The following PLPPR5 variants were observed in gnomAD, a reference collection of about 807,000 sequenced individuals.
The protein encoded by PLPPR5 is phospholipid phosphatase-related protein type 5.
Under a neutral mutation model 33.9 loss-of-function variants are expected in PLPPR5, and 16 were observed. The observed-to-expected ratio is 0.47, with a 90% CI of 0.32 to 0.72. PLPPR5 has a LOEUF of 0.72. PLPPR5 is among the 30% of genes least tolerant of loss of function. The probability of loss-of-function intolerance (pLI) is 0.03; values close to 1 mark genes in which losing one functional copy is unlikely to be tolerated. For missense variants in PLPPR5, 301 were observed against 406.7 expected (o/e 0.74, Z 2.23); for synonymous variants, 163 against 150.3 (o/e 1.08, Z -0.62).
At chr1:98,964,824 A>G (rs537168759) in intron 1 of PLPPR5, among the ~76,000 whole-genome samples, 1 of 152,234 alleles carries the variant, frequency 6.6e-6, no homozygotes, top group African/African-American at 2.4e-5. Flanking sequence ...TTATTTTGGA[A>G]GCAGGATCTT....
chr1:98,904,952 C>G (rs375667356), intron 5 of PLPPR5, among the ~76,000 whole-genome samples: 2 of 152,186 alleles, frequency 1.3e-5, no homozygotes, highest in Non-Finnish European at 2.9e-5. Context: ...CAGCACCTAA[C>G]AGCAGACTTT....
intron 1 of PLPPR5, among the ~76,000 whole-genome samples, chr1:98,968,628 A>G (rs2101242983): frequency 6.6e-6 from 1 of 152,210 alleles, no homozygotes; most frequent in South Asian, 2.1e-4. Flanking sequence ...TTGTTCATCA[A>G]CATTTATAAA....
At chr1:98,928,848 G>A (rs1649861824) in intron 3 of PLPPR5, among the ~76,000 whole-genome samples, 1 of 151,456 alleles carries the variant, frequency 6.6e-6, no homozygotes, top group South Asian at 2.1e-4. Flanking sequence ...CATGTCAAAT[G>A]GTAAACAGTG....
At chr1:98,968,326 T>C (rs1651525543) in intron 1 of PLPPR5, among the ~76,000 whole-genome samples, 1 of 152,082 alleles carries the variant, frequency 6.6e-6, no homozygotes, top group African/African-American at 2.4e-5. Context: ...GAGCTTATAA[T>C]TAATAAAAAA....
At chr1:98,914,608 T>C (rs1649271783) in intron 5 of PLPPR5, among the ~76,000 whole-genome samples, 178 bp downstream of exon 5, 1 of 152,136 alleles carries the variant, frequency 6.6e-6, no homozygotes, top group African/African-American at 2.4e-5. Flanking sequence ...CAAACAGATT[T>C]TTTAAATGTG....
At chr1:98,983,709 G>A (rs944687245) in intron 1 of PLPPR5, among the ~76,000 whole-genome samples, 5 of 151,532 alleles carry the variant, frequency 3.3e-5, no homozygotes, top group African/African-American at 1.2e-4. Context: ...CACCAACAGT[G>A]TAAAAGTGTT....
At chr1:98,899,500 G>A (rs1311629420) in intron 5 of PLPPR5, among the ~76,000 whole-genome samples, 1 of 152,218 alleles carries the variant, frequency 6.6e-6, no homozygotes, top group East Asian at 1.9e-4. Flanking sequence ...TGGCAAAAGA[G>A]TATTGCTTAA....
intron 1 of PLPPR5, among the ~76,000 whole-genome samples, chr1:98,992,457 A>T (rs1445253067): frequency 6.6e-6 from 1 of 152,158 alleles, no homozygotes; most frequent in Non-Finnish European, 1.5e-5. Flanking sequence ...GGTGCAATAG[A>T]TATTCTATAT....
intron 3 of PLPPR5, among the ~76,000 whole-genome samples, chr1:98,951,586 A>T (rs759695165): frequency 1.3e-5 from 2 of 152,218 alleles, no homozygotes; most frequent in Non-Finnish European, 2.9e-5. Context: ...AACTTGGCTT[A>T]AAAACTTTAA....
chr1:98,940,249 T>C (rs1650323906), intron 3 of PLPPR5, among the ~76,000 whole-genome samples: 1 of 151,812 alleles, frequency 6.6e-6, no homozygotes, highest in South Asian at 2.1e-4. Context: ...GGGCTCTATG[T>C]GGCTTGCAGA....
chr1:98,936,673 G>T (rs2101185136), intron 3 of PLPPR5, among the ~76,000 whole-genome samples: 1 of 152,262 alleles, frequency 6.6e-6, no homozygotes, highest in African/African-American at 2.4e-5. Context: ...AGTCTCTGTT[G>T]GTTTTAACAG....
chr1:98,932,092 T>C (rs1280913671), intron 3 of PLPPR5, among the ~76,000 whole-genome samples: 1 of 152,164 alleles, frequency 6.6e-6, no homozygotes, highest in African/African-American at 2.4e-5. Context: ...CAGGCCTCAG[T>C]GGCCAACAGA....
chr1:98,986,027 T>G, intron 1 of PLPPR5, among the ~76,000 whole-genome samples: 1 of 152,116 alleles, frequency 6.6e-6, no homozygotes, highest in East Asian at 1.9e-4. Flanking sequence ...ATGAGTAAAT[T>G]TGGAGAATGT....
chr1:98,956,838 T>TTA, intron 1 of PLPPR5, 97 bp from the exon 2 acceptor site: 1 of 934,454 alleles, frequency 1.1e-6, no homozygotes, highest in Non-Finnish European at 1.5e-6. Flanking sequence ...CCCCTTTGAA[T>TTA]GGTAATAATC....
intron 5 of PLPPR5, among the ~76,000 whole-genome samples, chr1:98,897,815 T>G (rs1484541881): frequency 1.3e-5 from 2 of 152,098 alleles, no homozygotes. Context: ...GAAATAGAGA[T>G]AAGAATACAT....
chr1:98,995,038 C>T (rs1474665367), intron 1 of PLPPR5, among the ~76,000 whole-genome samples: 2 of 152,090 alleles, frequency 1.3e-5, no homozygotes, highest in African/African-American at 4.8e-5. Context: ...AAAGGGAATG[C>T]TTATATTCTG....
intron 5 of PLPPR5, among the ~76,000 whole-genome samples, chr1:98,910,101 G>A (rs1403547248): frequency 6.6e-6 from 1 of 152,102 alleles, no homozygotes; most frequent in East Asian, 1.9e-4. Context: ...AACATAAAAG[G>A]TTATATAAGT....
chr1:98,984,766 A>G (rs889081816), intron 1 of PLPPR5, among the ~76,000 whole-genome samples: 3 of 151,978 alleles, frequency 2.0e-5, no homozygotes, highest in Admixed American at 2.0e-4. Flanking sequence ...AAAGGTTAGG[A>G]CCTCAGGTAG....
chr1:98,984,935 C>A (rs1049471106), intron 1 of PLPPR5, among the ~76,000 whole-genome samples: 1 of 151,894 alleles, frequency 6.6e-6, no homozygotes, highest in Non-Finnish European at 1.5e-5. Flanking sequence ...AAATTTGTCT[C>A]CAAAATATAT....
Sources: gnomAD v4.1 joint callset for allele counts (sites outside exome capture counted in the v4.1 genomes callset) on GRCh38, gnomAD v4.1.1 for gene constraint, MANE v1.5 for transcripts, NCBI Gene and HGNC (gene_info 2026-07-23, HGNC 2026-07-21) for gene names.